Variants in SNX25 observed in about 807,000 individuals in gnomAD.
SNX25 encodes sorting nexin-25.
A neutral mutation model predicts 113.7 loss-of-function variants in SNX25; 62 were observed. The ratio of observed to expected loss-of-function variants is 0.55; its 90% CI spans 0.44 to 0.67. The LOEUF is 0.67. Among genes scored for constraint, SNX25 ranks in the 30% least tolerant of loss-of-function variants. The pLI is 0.00. For synonymous variants in SNX25, 421 were observed against 436.2 expected (o/e 0.97, Z 0.43); for missense variants, 1,014 against 1,161.0 (o/e 0.87, Z 1.84).
intron 1 of SNX25, among the ~76,000 whole-genome samples, chr4:185,246,532 T>A (rs915555821): frequency 1.3e-5 from 2 of 152,212 alleles, no homozygotes; most frequent in Non-Finnish European, 2.9e-5. Context: ...TTTGTTTATC[T>A]TTTATGATTT....
intron 1 of SNX25, among the ~76,000 whole-genome samples, chr4:185,233,382 G>GT (rs1468945969): frequency 1.3e-5 from 2 of 152,154 alleles, no homozygotes; most frequent in Admixed American, 1.3e-4. Flanking sequence ...GGCACCCAGA[G>GT]TGAGTCCTCA....
Position 185,259,009 on chromosome 4 carries a change from G to A in SNX25, c.676G>A (p.Asp226Asn). ...GGATGTGGTTAAAGTTGTCTGCAATGATGTTGTGAGGACTTTACTCACTCA... is the reference window on the plus strand; with the variant it reads ...GGATGTGGTTAAAGTTGTCTGCAATAATGTTGTGAGGACTTTACTCACTCA... ...HVDVVKVVCN[D>N]VVRTLLTHFC... The change falls in exon 3 of 19, where the codon GAT (aspartate) becomes AAT (asparagine). Residue 226 changes from aspartate (D) to asparagine (N), a missense_variant. By Grantham distance (23) the Asp-to-Asn change is conservative (BLOSUM62 1). Coordinates refer to ENST00000652585, the MANE Select transcript of SNX25 (RefSeq NM_001378034.2). 1.9e-6 allele frequency: 3 copies of A among 1,614,198 alleles called. No homozygotes were observed. Among genetic ancestry groups the A allele is most frequent in the Non-Finnish European group, 2.5e-6 (3 of 1,180,024 alleles).
chr4:185,231,520 G>A (rs2126409960), intron 1 of SNX25, among the ~76,000 whole-genome samples: 1 of 151,664 alleles, frequency 6.6e-6, no homozygotes, highest in East Asian at 2.0e-4. Flanking sequence ...GACCAGCCTG[G>A]CCAACACTGC....
At chr4:185,326,056 A>G (rs751739384) in intron 9 of SNX25, among the ~76,000 whole-genome samples, 1 of 152,236 alleles carries the variant, frequency 6.6e-6, no homozygotes, top group Non-Finnish European at 1.5e-5. Flanking sequence ...AAGAATACTC[A>G]GAGATGGTTT....
At chr4:185,289,016 G>A (rs990847053) in intron 6 of SNX25, among the ~76,000 whole-genome samples, 88 of 152,206 alleles carry the variant, frequency 5.8e-4, no homozygotes, top group African/African-American at 2.1e-3. Context: ...GGCAAAGGAA[G>A]CTTGGGCTGG....
In SNX25 at chr4:185,320,808, A is replaced by G. The variant is rs1272038920; in HGVS notation, c.1420A>G (p.Lys474Glu). The G allele has an allele frequency of 6.2e-7, 1 of 1,607,256 alleles. No homozygotes were observed. The highest frequency in any genetic ancestry group is 2.2e-5 in the East Asian group (1 of 44,518). The stretch of plus-strand genomic sequence containing the variant: ...TGGAATGTACATGGAAAGGATGGAC[A>G]AAAGAGCTCTGATTAGTTTTTGGGA... ...HFGMYMERMDKRALISFWESV... is the reference protein window; with the variant it reads ...HFGMYMERMDERALISFWESV... Residue 474 changes from lysine to glutamate, a missense_variant, in exon 8 of 19, where the codon AAA (lysine) becomes GAA (glutamate). By Grantham distance (56) the Lys-to-Glu change is moderately conservative. Coordinates refer to ENST00000652585, the MANE Select transcript of SNX25 (RefSeq NM_001378034.2).
intron 6 of SNX25, among the ~76,000 whole-genome samples, chr4:185,304,747 G>T (rs1398649332): frequency 6.6e-6 from 1 of 151,982 alleles, no homozygotes; most frequent in African/African-American, 2.4e-5. Context: ...CTTCAGCCCT[G>T]CACAGTGCTG....
intron 1 of SNX25, among the ~76,000 whole-genome samples, chr4:185,211,722 C>T (rs1188606336): frequency 6.6e-6 from 1 of 152,074 alleles, no homozygotes; most frequent in Non-Finnish European, 1.5e-5. Flanking sequence ...GTGATAAATG[C>T]TTTTGAAACA....
intron 7 of SNX25, among the ~76,000 whole-genome samples, chr4:185,312,389 G>A (rs1258145363): frequency 6.6e-6 from 1 of 152,170 alleles, no homozygotes; most frequent in Non-Finnish European, 1.5e-5. Context: ...AGATGTTGTG[G>A]TACAGGAAGA....
chr4:185,348,740 T>C (rs2126737064), intron 13 of SNX25, among the ~76,000 whole-genome samples: 1 of 152,240 alleles, frequency 6.6e-6, no homozygotes. Context: ...AAAACCTTTC[T>C]TCTAGCTCCT....
chr4:185,347,422 A>G (rs10000918), intron 13 of SNX25, among the ~76,000 whole-genome samples: 57,158 of 151,252 alleles, frequency 0.38, 12,775 homozygotes, highest in African/African-American at 0.64. Context: ...GTAGTATCTC[A>G]TTGTGTTTGG....
intron 3 of SNX25, 141 bp downstream of exon 3, chr4:185,259,205 A>G: frequency 4.2e-6 from 3 of 715,222 alleles, no homozygotes; most frequent in Non-Finnish European, 6.8e-6. Flanking sequence ...AAGGGGGAAT[A>G]ATTATGTTCT....
At chr4:185,227,325 G>T (rs1741167877) in intron 1 of SNX25, among the ~76,000 whole-genome samples, 2 of 152,062 alleles carry the variant, frequency 1.3e-5, no homozygotes, top group Non-Finnish European at 2.9e-5. Flanking sequence ...GTCACTTAGA[G>T]AGGAGGGAGG....
At chr4:185,347,000 A>G (rs554060910) in intron 13 of SNX25, among the ~76,000 whole-genome samples, 166 of 152,272 alleles carry the variant, frequency 1.1e-3, no homozygotes, top group African/African-American at 3.4e-3. Context: ...TTGTCTTTCA[A>G]CTTTATATAA....
chr4:185,307,403 C>T (rs1308482368), intron 6 of SNX25, among the ~76,000 whole-genome samples: 1 of 152,204 alleles, frequency 6.6e-6, no homozygotes, highest in Non-Finnish European at 1.5e-5. Context: ...ATGTAGTTCC[C>T]ATGCCTAGGG....
rs1266619982 is a variant in SNX25, at chr4:185,316,292, A to C, written c.1345-4441A>C. ...AGTTATTATTAACAAGTCTCCGAACAACCTGGAAAGTAGATGGTATTATTC... is the reference window on the plus strand; with the variant it reads ...AGTTATTATTAACAAGTCTCCGAACCACCTGGAAAGTAGATGGTATTATTC... On this transcript the variant is annotated intron_variant, in intron 7 of 18. Transcript: ENST00000652585. Among the ~76,000 whole-genome samples the C allele has an allele frequency of 2.0e-5, 3 of 152,342 alleles. No individual in the cohort carries two copies. In the East Asian group the frequency reaches 5.8e-4, roughly 29 times the overall value.
upstream of SNX25, among the ~76,000 whole-genome samples, chr4:185,205,398 G>T (rs982974476): frequency 6.6e-6 from 1 of 151,818 alleles, no homozygotes; most frequent in East Asian, 1.9e-4. Flanking sequence ...AGGTTGCAGC[G>T]AGCCGAGATC....
rs1205802396 is a variant in SNX25 at position 185,339,491 on chromosome 4, C to T, written c.2027C>T (p.Ala676Val). 6.2e-7 allele frequency: 1 copy of T among 1,613,722 alleles called. No individual in the cohort carries two copies. The highest frequency in any genetic ancestry group is 8.5e-7 in the Non-Finnish European group (1 of 1,179,740). Residue 676 changes from alanine to valine, a missense_variant, in exon 11 of 19, where the codon GCC becomes GTC. By Grantham distance (64) the Ala-to-Val change is moderately conservative. Transcript: ENST00000652585. ...TGTGAAAACCTTGGCATGTGGAAAG[C>T]CTCCATCACCAGTGGAGAGGTAGTT... Reference protein sequence around the residue: ...WWCENLGMWKASITSGEVTEE... With the variant: ...WWCENLGMWKVSITSGEVTEE...
At chr4:185,239,294 C>T (rs142667445) in intron 1 of SNX25, among the ~76,000 whole-genome samples, 7,841 of 151,522 alleles carry the variant, frequency 0.052, 283 homozygotes, top group African/African-American at 0.1. Flanking sequence ...CCATCCTGGC[C>T]AACACGGTGA....
Sources: gnomAD v4.1 joint callset for allele counts (sites outside exome capture counted in the v4.1 genomes callset) on GRCh38, gnomAD v4.1.1 for gene constraint, MANE v1.5 for transcripts, NCBI Gene and HGNC (gene_info 2026-07-23, HGNC 2026-07-21) for gene names.